The following PIK3R6 variants were observed in gnomAD, a reference collection of about 807,000 sequenced individuals.
PIK3R6 encodes the protein phosphoinositide-3-kinase regulatory subunit 6.
PIK3R6 carries 91 observed loss-of-function variants against 84.9 expected under a neutral mutation model. The observed-to-expected ratio is 1.07, with a 90% CI of 0.90 to 1.28. PIK3R6 has a LOEUF of 1.28. Among genes scored for constraint, PIK3R6 ranks in the 50% most tolerant of loss-of-function variants. The pLI is 0.00. For missense variants in PIK3R6, 996 were observed against 985.1 expected, an observed-to-expected ratio of 1.01 and a Z score of -0.15; for synonymous variants, 416 against 411.4, an observed-to-expected ratio of 1.01 and a Z score of -0.13.
At chr17:8,805,782 G>T (rs2087187377) in intron 18 of PIK3R6, among the ~76,000 whole-genome samples, 1 of 152,192 alleles carries the variant, frequency 6.6e-6, no homozygotes, top group African/African-American at 2.4e-5. Context: ...GCCAGGCGTA[G>T]TGGCGGGCAT....
rs563651165 is a variant in PIK3R6, at chr17:8,842,170, C to T, written c.14-2473G>A. On this transcript the variant is annotated intron_variant, in intron 2 of 19. Coordinates refer to ENST00000619866, the MANE Select transcript of PIK3R6 (RefSeq NM_001010855.4). The surrounding 1 kb of genome is among the most constrained non-coding windows in gnomAD (Gnocchi z 4.5). ...CCTGCTTCTTGTACAGCCTGCAGAA[C>T]GCTGAGCCAAATAAACCTCTTTTCT... is the stretch of plus-strand genomic sequence containing the variant. 1.8e-4 allele frequency among the ~76,000 whole-genome samples: 28 copies of T among 152,296 alleles called. No individual in the cohort carries two copies. The highest frequency in any genetic ancestry group is 5.5e-4 in the African/African-American group (23 of 41,554).
At chr17:8,827,991 A>C in intron 12 of PIK3R6, 121 bp downstream of exon 12, 1 of 1,048,208 alleles carries the variant, frequency 9.5e-7, no homozygotes. Flanking sequence ...CCGCCTCCAC[A>C]TTCTAAGGAT....
chr17:8,847,288 A>T (rs2088835475), intron 2 of PIK3R6, among the ~76,000 whole-genome samples: 1 of 152,134 alleles, frequency 6.6e-6, no homozygotes, highest in Non-Finnish European at 1.5e-5. Context: ...CCTACACCTG[A>T]TCCTCCTTAC....
Position 8,802,981 on chromosome 17 carries a change from A to T in PIK3R6, c.*292T>A, listed in dbSNP as rs1263093486. The T allele has an allele frequency of 1.1e-5, 4 of 362,454 alleles. No homozygotes were observed. The highest frequency in any genetic ancestry group is 2.0e-5 in the Non-Finnish European group (4 of 196,676). 22.5% of individuals were successfully genotyped at this position (362,454 alleles called of 1,614,324 possible). A position where few individuals can be genotyped will look rare whatever the true frequency, so the allele number is the denominator to read the frequency against. ...AGCTTGGGTGGGAGAGGACAGTGGG[A>T]GAAGTGGGAATTGAAGCTAAATGAA... On this transcript the variant is annotated 3_prime_UTR_variant, in exon 20 of 20. Coordinates refer to ENST00000619866, the MANE Select transcript of PIK3R6 (RefSeq NM_001010855.4).
Position 8,838,620 on chromosome 17 carries a change from G to A in PIK3R6, c.133C>T (p.Arg45Ter), listed in dbSNP as rs963868832. ...AGCACTGGGCTCTTACCGGGATCTC[G>A]CTCGACCTTCTTGTGCAGGGACCAC... ...WRWSLHKKVE[R>*]DPGKSPVLVR... The change falls in exon 4 of 20, where the codon CGA (arginine) becomes TGA (stop). Residue 45 changes from arginine to a stop codon, truncating the protein, a stop_gained. Transcript: ENST00000619866. LOFTEE classifies it high-confidence loss of function. 6 of 1,606,418 alleles carry A rather than the reference G, an allele frequency of 3.7e-6. No homozygotes were observed. In the East Asian group the frequency reaches 6.7e-5, roughly 18 times the overall value.
rs1051837062 is a variant in PIK3R6 at position 8,839,810 on chromosome 17, C to T, written c.14-113G>A. 2.2e-5 allele frequency: 18 copies of T among 825,876 alleles called. No homozygotes were observed. Among genetic ancestry groups the T allele is most frequent in the African/African-American group, 7.1e-5 (4 of 56,426 alleles). The allele number at this position is 825,876 out of a possible 1,614,324, so 51.2% of individuals were successfully genotyped here. ...ATTTCTCTGAGCCTCAGGAGGTGCC[C>T]GAAGTAATCGACTTAGAGCTGGCAG... On this transcript the variant is annotated intron_variant, in intron 2 of 19. Transcript: ENST00000619866. The surrounding 1 kb of genome is among the most constrained non-coding windows in gnomAD (Gnocchi z 4.2).
intron 7 of PIK3R6, 74 bp downstream of exon 7, chr17:8,836,473 C>T: frequency 2.6e-6 from 4 of 1,522,490 alleles, no homozygotes; most frequent in Non-Finnish European, 3.6e-6. Context: ...TTTTGTCCTC[C>T]TGCCAGGGAG....
intron 8 of PIK3R6, 130 bp downstream of exon 8, chr17:8,835,143 G>A (rs1482864894): frequency 1.3e-5 from 14 of 1,096,970 alleles, no homozygotes; most frequent in Non-Finnish European, 1.7e-5. Context: ...CAGCCAAAAT[G>A]TATTAATTTT....
chr17:8,846,329 T>C (rs1253766775), intron 2 of PIK3R6, among the ~76,000 whole-genome samples: 3 of 152,226 alleles, frequency 2.0e-5, no homozygotes, highest in African/African-American at 4.8e-5. Context: ...ATGTCTATTT[T>C]TATACTAGTA....
At chr17:8,837,023 T>G in intron 5 of PIK3R6, 100 bp from the exon 6 acceptor site, 5 of 896,948 alleles carry the variant, frequency 5.6e-6, no homozygotes, top group Non-Finnish European at 3.5e-6. Flanking sequence ...GGGAGGGGCT[T>G]GGGAGAAGAG....
At position 8,842,308 on chromosome 17, in the gene PIK3R6, C is replaced by G. The variant is rs17808711; in HGVS notation, c.14-2611G>C. Among the ~76,000 whole-genome samples, 204 of 152,280 alleles carry G rather than the reference C, an allele frequency of 1.3e-3. 1 individual carries two copies. The East Asian group carries it at 0.029, about 21-fold the overall frequency. On this transcript the variant is annotated intron_variant, in intron 2 of 19. Transcript: ENST00000619866. This position sits in a 1 kb window ranked among gnomAD's most constrained non-coding sequence, Gnocchi z 4.5. ...AGCCACGCCTCCCAGCCAAAATACACGGTATGGTAGTGGTTCTAAAGCAGG... is the reference window on the plus strand; with the variant it reads ...AGCCACGCCTCCCAGCCAAAATACAGGGTATGGTAGTGGTTCTAAAGCAGG...
chr17:8,836,470 C>T (rs2088469656), intron 7 of PIK3R6, 77 bp downstream of exon 7: 1 of 1,506,628 alleles, frequency 6.6e-7, no homozygotes. Context: ...CTCTTTTGTC[C>T]TCCTGCCAGG....
intron 17 of PIK3R6, among the ~76,000 whole-genome samples, chr17:8,819,601 G>C (rs1378951634): frequency 6.6e-6 from 1 of 151,350 alleles, no homozygotes; most frequent in Admixed American, 6.6e-5. Context: ...CTCCAAGTGG[G>C]TGAGGAGGGC....
intron 3 of PIK3R6, 104 bp from the exon 4 acceptor site, chr17:8,838,759 A>C (rs1597418033): frequency 8.8e-7 from 1 of 1,133,374 alleles, no homozygotes; most frequent in Non-Finnish European, 1.2e-6. Context: ...TGCAGCTCTG[A>C]CCAGCCACGG....
intron 13 of PIK3R6, among the ~76,000 whole-genome samples, chr17:8,826,815 T>TA (rs1214203958): frequency 2.0e-5 from 3 of 151,692 alleles, no homozygotes; most frequent in African/African-American, 4.8e-5. Flanking sequence ...AGATAAATGA[T>TA]AAAAAAAGAA....
chr17:8,849,107 G>A (rs1223929198), intron 2 of PIK3R6, among the ~76,000 whole-genome samples: 10 of 100 alleles, frequency 0.1, no homozygotes, highest in Non-Finnish European at 0.18. Flanking sequence ...AGCCGGACTA[G>A]GCCCCACTTT....
chr17:8,840,316 T>C (rs893796867), intron 2 of PIK3R6, among the ~76,000 whole-genome samples: 11 of 139,170 alleles, frequency 7.9e-5, no homozygotes, highest in Non-Finnish European at 1.6e-4. Flanking sequence ...ATGAAATATA[T>C]ATAGCCTCCA....
chr17:8,816,598 C>G (rs1215908550), intron 18 of PIK3R6, among the ~76,000 whole-genome samples: 2 of 152,044 alleles, frequency 1.3e-5, no homozygotes, highest in Non-Finnish European at 2.9e-5. Context: ...GGGTTAATGT[C>G]CTCACACTAC....
intron 7 of PIK3R6, among the ~76,000 whole-genome samples, chr17:8,835,739 C>A (rs1370113570): frequency 6.6e-6 from 1 of 152,158 alleles, no homozygotes; most frequent in Admixed American, 6.5e-5. Context: ...AGCCTCAATC[C>A]TGCTCCCTCT....
Sources: gnomAD v4.1 joint callset for allele counts (sites outside exome capture counted in the v4.1 genomes callset) on GRCh38, gnomAD v4.1.1 for gene constraint, Gnocchi (gnomAD v3.1) non-coding constraint, MANE v1.5 for transcripts, NCBI Gene and HGNC (gene_info 2026-07-23, HGNC 2026-07-21) for gene names.